The following MNS1 variants were observed in gnomAD, a reference collection of about 807,000 sequenced individuals.
The protein encoded by MNS1 is meiosis-specific nuclear structural protein 1.
Under a neutral mutation model 72.0 loss-of-function variants are expected in MNS1, and 63 were observed. The ratio of observed to expected loss-of-function variants is 0.87; its 90% confidence interval spans 0.71 to 1.08. The LOEUF (loss-of-function observed/expected upper bound fraction) is 1.08, where lower values mean the gene tolerates loss of function less well. Ranked by LOEUF, MNS1 falls within the 50% of genes least tolerant of loss-of-function variation. The pLI is 0.00. For missense variants in MNS1, 604 were observed against 562.4 expected (o/e 1.07, Z -0.75); for synonymous variants, 188 against 172.1 (o/e 1.09, Z -0.72).
chr15:56,438,834 A>G (rs1370278254), intron 7 of MNS1, among the ~76,000 whole-genome samples: 2 of 152,222 alleles, frequency 1.3e-5, no homozygotes, highest in African/African-American at 4.8e-5. Flanking sequence ...GGCGAAGGAT[A>G]TGAATAGACA....
Position 56,462,539 on chromosome 15 carries a change from G to A in MNS1, c.225+1487C>T, listed in dbSNP as rs553126891. ...AGGGAAATAAATTAAAGGAACATGA[G>A]GAAGCAAACACGTATATTCAGAATG... On this transcript the variant is annotated intron_variant, in intron 2 of 9. Transcript: ENST00000260453. 7.9e-5 allele frequency among the ~76,000 whole-genome samples: 12 copies of A among 152,266 alleles called. No individual in the cohort carries two copies. In the South Asian group the frequency reaches 2.5e-3, roughly 32 times the overall value.
intron 8 of MNS1, among the ~76,000 whole-genome samples, chr15:56,431,822 T>C (rs1567146291): frequency 6.6e-6 from 1 of 151,940 alleles, no homozygotes. Context: ...GCTTACCATA[T>C]ACCAGATGCT....
intron 9 of MNS1, among the ~76,000 whole-genome samples, chr15:56,430,596 T>TATAACTTCCTACTGTAGAGCAGATCTGTC (rs1313766366): frequency 8.5e-5 from 13 of 152,242 alleles, no homozygotes; most frequent in Non-Finnish European, 1.8e-4. Context: ...TTTAACTAGT[T>TATAACTTCCTACTGTAGAGCAGATCTGTC]ATAACTTCCT....
chr15:56,437,436 C>G (rs1408836267), intron 7 of MNS1, among the ~76,000 whole-genome samples: 1 of 152,108 alleles, frequency 6.6e-6, no homozygotes, highest in Non-Finnish European at 1.5e-5. Context: ...TAAAAACTCT[C>G]AATAAATTAG....
At chr15:56,461,975 G>GTTGT (rs1555449789) in intron 2 of MNS1, among the ~76,000 whole-genome samples, 25 of 97,876 alleles carry the variant, frequency 2.6e-4, no homozygotes, top group African/African-American at 8.8e-4. Context: ...TTTTGTTGTT[G>GTTGT]TTTTTTTTTT....
chr15:56,434,195 G>T lies in MNS1; in HGVS notation c.1212C>A (p.His404Gln). The change falls in exon 8 of 10, where the codon CAC (histidine) becomes CAA (glutamine). Residue 404 changes from histidine (H) to glutamine (Q), a missense_variant. Transcript: ENST00000260453. ...CAATAAGTTTTTCCACAGCCCTCCT[G>T]TGTTCCAGCTGCTTCATTCTTTGTT... The part of the protein sequence containing the change: ...AQKQRMKQLE[H>Q]RRAVEKLIEE... 2 of 1,613,894 alleles carry T rather than the reference G, an allele frequency of 1.2e-6. No homozygotes were observed. The highest frequency in any genetic ancestry group is 1.7e-6 in the Non-Finnish European group (2 of 1,179,878).
rs760979048 is a variant in MNS1, at chr15:56,464,212, C to A, written c.39G>T (p.Arg13Ser). The change falls in exon 2 of 10, where the codon AGG (arginine) becomes AGT (serine). Residue 13 changes from arginine to serine, a missense_variant. Transcript: ENST00000260453. ...AGTTTTCATCTACTAATTTCTGATG[C>A]CTTTCACTACAGCTCAAATTTCTCC... ...SKRRNLSCSE[R>S]HQKLVDENYC... 1.2e-6 allele frequency: 2 copies of A among 1,612,680 alleles called. No individual in the cohort carries two copies. The highest frequency in any genetic ancestry group is 1.3e-5 in the African/African-American group (1 of 74,888).
intron 1 of MNS1, 89 bp from the exon 2 acceptor site, chr15:56,464,336 G>T (rs2051044343): frequency 3.2e-6 from 3 of 935,074 alleles, no homozygotes; most frequent in African/African-American, 3.4e-5. Flanking sequence ...AGTAAGAAAG[G>T]ATACGAAGAG....
At chr15:56,464,909 G>A in intron 1 of MNS1, 61 bp downstream of exon 1, 1 of 1,606,188 alleles carries the variant, frequency 6.2e-7, no homozygotes, top group Admixed American at 1.7e-5. Context: ...AAGCAGATGA[G>A]CGCCAAACTA....
intron 8 of MNS1, among the ~76,000 whole-genome samples, chr15:56,431,704 T>C: frequency 6.6e-6 from 1 of 152,050 alleles, no homozygotes; most frequent in Admixed American, 6.6e-5. Context: ...TCATTATTCC[T>C]TTAAAATTAC....
chr15:56,462,695 C>T (rs765430576), intron 2 of MNS1, among the ~76,000 whole-genome samples: 12 of 152,128 alleles, frequency 7.9e-5, no homozygotes, highest in Non-Finnish European at 1.3e-4. Flanking sequence ...CCAAATACAC[C>T]GTATGAATGT....
rs1461538919 is a variant in MNS1 at position 56,443,448 on chromosome 15, T to C, written c.993A>G (p.Ile331Met). The C allele has an allele frequency of 3.2e-6, 5 of 1,585,258 alleles. No individual in the cohort carries two copies. Among genetic ancestry groups the C allele is most frequent in the Middle Eastern group, 3.6e-4 (2 of 5,558 alleles). The change falls in exon 7 of 10, where the codon ATA becomes ATG. Residue 331 changes from isoleucine (I) to methionine (M), a missense_variant. Transcript: ENST00000260453. ...QELYQEEQAE[I>M]YKSKLKEEAE... The stretch of plus-strand genomic sequence containing the variant: ...AACTTACTTTTAGCTTGCTCTTATA[T>C]ATTTCAGCTTGTTCTTCCTGGTATA...
rs747360063 is a variant in MNS1, at chr15:56,456,515, C to A, written c.232G>T (p.Glu78Ter). The change falls in exon 3 of 10, where the codon GAA becomes TAA. Residue 78 changes from glutamate (E) to a stop codon, truncating the protein, a stop_gained. Transcript: ENST00000260453. LOFTEE classifies it high-confidence loss of function. ...DMEEAIQKAE[E>*]NKRLKELQLK... ...TGGAGTTCTTTCAATCTCTTGTTTTCTTCTGCCTGAACGAAAAATTTAACT... is the reference window on the plus strand; with the variant it reads ...TGGAGTTCTTTCAATCTCTTGTTTTATTCTGCCTGAACGAAAAATTTAACT... 8 of 1,607,440 alleles carry A rather than the reference C, an allele frequency of 5.0e-6. No individual in the cohort carries two copies. The East Asian group carries it at 1.8e-4, about 36-fold the overall frequency.
At chr15:56,434,707 GT>G (rs1555448297) in intron 7 of MNS1, among the ~76,000 whole-genome samples, 1 of 152,056 alleles carries the variant, frequency 6.6e-6, no homozygotes, top group East Asian at 1.9e-4. Flanking sequence ...GCACACCTGA[GT>G]TTATTCATCT....
At chr15:56,431,025 G>A (rs1596249570) in intron 9 of MNS1, among the ~76,000 whole-genome samples, 1 of 152,286 alleles carries the variant, frequency 6.6e-6, no homozygotes, top group Admixed American at 6.5e-5. Context: ...GCTGGGTGTG[G>A]TGGCAAACGC....
At chr15:56,451,557 G>C (rs1339386114) in intron 3 of MNS1, among the ~76,000 whole-genome samples, 1 of 152,092 alleles carries the variant, frequency 6.6e-6, no homozygotes, top group Non-Finnish European at 1.5e-5. Flanking sequence ...CTGCTATTTT[G>C]CTAATATCAG....
chr15:56,435,215 G>A (rs2050700482), intron 7 of MNS1, among the ~76,000 whole-genome samples: 2 of 151,978 alleles, frequency 1.3e-5, no homozygotes, highest in African/African-American at 4.8e-5. Context: ...CTAAATGCAT[G>A]TATGTAGGAA....
At chr15:56,446,974 G>A (rs1467251215) in intron 3 of MNS1, 31 bp from the exon 4 acceptor site, 7 of 1,481,922 alleles carry the variant, frequency 4.7e-6, no homozygotes, top group Non-Finnish European at 6.5e-6. Flanking sequence ...AAATTTAAAT[G>A]TTAGGACCAT....
chr15:56,429,178 C>G lies in MNS1; in HGVS notation c.1411G>C (p.Glu471Gln). The G allele has an allele frequency of 1.3e-6, 2 of 1,592,686 alleles. No homozygotes were observed. The highest frequency in any genetic ancestry group is 8.5e-7 in the Non-Finnish European group (1 of 1,170,972). The stretch of plus-strand genomic sequence containing the variant: ...TCACCAAGCAGATCAATATCATCCT[C>G]TTTTTTAAATACTCCCTACGAGAAA... ...GYLPKGVFKK[E>Q]DDIDLLGEEF... The change falls in exon 10 of 10, where the codon GAG becomes CAG. Residue 471 changes from glutamate to glutamine, a missense_variant. By Grantham distance (29) the Glu-to-Gln change is conservative. Transcript: ENST00000260453.
Sources: gnomAD v4.1 joint callset for allele counts (sites outside exome capture counted in the v4.1 genomes callset) on GRCh38, gnomAD v4.1.1 for gene constraint, MANE v1.5 for transcripts, NCBI Gene and HGNC (gene_info 2026-07-23, HGNC 2026-07-21) for gene names.